Variants in NVL observed in about 807,000 individuals in gnomAD.
The protein encoded by NVL is nuclear VCP like.
NVL carries 84 observed loss-of-function variants against 110.2 expected under a neutral mutation model. That is an observed-to-expected ratio of 0.76 (90% CI 0.64 to 0.91). The LOEUF (loss-of-function observed/expected upper bound fraction) is 0.91, where lower values mean the gene tolerates loss of function less well. NVL is among the 40% of genes least tolerant of loss of function. The pLI is 0.00. For synonymous variants in NVL, 354 were observed against 361.1 expected (o/e 0.98, Z 0.22); for missense variants, 882 against 1,035.9 (o/e 0.85, Z 2.04).
In NVL at chr1:224,233,160, G is replaced by C. The variant is rs199820955; in HGVS notation, c.2455+41C>G. ...TTTTCCAGGGCAACAGTGGTTTTAA[G>C]TATCATAATTAGAATTGAGAGATTC... On this transcript the variant is annotated intron_variant, in intron 21 of 22. Coordinates refer to ENST00000281701, the MANE Select transcript of NVL (RefSeq NM_002533.4). The C allele has an allele frequency of 5.9e-4, 907 of 1,536,978 alleles. 1 individual carries two copies. The highest frequency in any genetic ancestry group is 7.8e-4 in the Non-Finnish European group (871 of 1,120,828).
intron 1 of NVL, among the ~76,000 whole-genome samples, chr1:224,327,164 C>T (rs1270783468): frequency 2.0e-5 from 3 of 150,914 alleles, no homozygotes; most frequent in South Asian, 2.1e-4. Context: ...TAAATAAGCC[C>T]GGGCGTGGTG....
chr1:224,325,448 A>G (rs965322501), intron 2 of NVL, among the ~76,000 whole-genome samples: 4 of 151,520 alleles, frequency 2.6e-5, no homozygotes, highest in African/African-American at 9.7e-5. Flanking sequence ...AAAAAAAAAA[A>G]AGAGGCTGGG....
chr1:224,308,880 T>C (rs1243097744), intron 5 of NVL, among the ~76,000 whole-genome samples: 2 of 151,492 alleles, frequency 1.3e-5, no homozygotes, highest in African/African-American at 4.9e-5. Flanking sequence ...GCTAACACGG[T>C]GAAACCCTGT....
At position 224,320,625 on chromosome 1, in the gene NVL, T is replaced by G. The variant is rs1392142504; in HGVS notation, c.132-2695A>C. 2.0e-5 allele frequency among the ~76,000 whole-genome samples: 3 copies of G among 151,418 alleles called. No individual in the cohort carries two copies. The East Asian group carries it at 5.8e-4, about 29-fold the overall frequency. On this transcript the variant is annotated intron_variant, in intron 2 of 22. Coordinates refer to ENST00000281701, the MANE Select transcript of NVL (RefSeq NM_002533.4). ...TCACACCACCACACTCCAGCCTGGG[T>G]GACTGAGTGAGACTCCATCTCAAAA...
At chr1:224,243,941 G>A (rs61826433) in intron 19 of NVL, among the ~76,000 whole-genome samples, 7 of 151,710 alleles carry the variant, frequency 4.6e-5, no homozygotes, top group South Asian at 2.1e-4. Context: ...TTACAGGCGT[G>A]AGCCACCACA....
Position 224,300,549 on chromosome 1 carries a change from T to C in NVL, c.1062+13A>G. The C allele has an allele frequency of 1.9e-6, 3 of 1,595,114 alleles. No homozygotes were observed. Among genetic ancestry groups the C allele is most frequent in the Non-Finnish European group, 2.6e-6 (3 of 1,163,422 alleles). On this transcript the variant is annotated intron_variant, in intron 10 of 22. Coordinates refer to ENST00000281701, the MANE Select transcript of NVL (RefSeq NM_002533.4). The stretch of plus-strand genomic sequence containing the variant: ...GCGTCTGACCACCTGGCATTAGTCA[T>C]TAACTGACTCACCACAGCTTGCTCA...
At chr1:224,316,299 G>C (rs1231520438) in intron 4 of NVL, among the ~76,000 whole-genome samples, 4 of 152,178 alleles carry the variant, frequency 2.6e-5, no homozygotes, top group Non-Finnish European at 5.9e-5. Flanking sequence ...ATCATGCTAA[G>C]TGAAAGAATG....
intron 19 of NVL, among the ~76,000 whole-genome samples, chr1:224,244,838 C>T (rs1315632235): frequency 4.6e-5 from 7 of 152,030 alleles, no homozygotes; most frequent in African/African-American, 1.4e-4. Flanking sequence ...CAGGCACGCA[C>T]CACCACGCCC....
intron 10 of NVL, among the ~76,000 whole-genome samples, chr1:224,300,189 T>C (rs1454823300): frequency 6.6e-6 from 1 of 152,210 alleles, no homozygotes; most frequent in Non-Finnish European, 1.5e-5. Flanking sequence ...GCTTTTATAA[T>C]AGCCTAAATA....
At chr1:224,285,502 A>C (rs1254253048) in intron 15 of NVL, among the ~76,000 whole-genome samples, 1 of 152,288 alleles carries the variant, frequency 6.6e-6, no homozygotes, top group East Asian at 1.9e-4. Context: ...TAAAAGTTAG[A>C]TATTACTTTG....
At position 224,287,920 on chromosome 1, in the gene NVL, C is replaced by T. The variant is rs769336839; in HGVS notation, c.1649G>A (p.Cys550Tyr). ...AACAATGAAATCATTCAGTTCAATGCACAGTCCTTGCATCTGCTCCTCTGA... is the reference window on the plus strand; with the variant it reads ...AACAATGAAATCATTCAGTTCAATGTACAGTCCTTGCATCTGCTCCTCTGA... ...PLSEEQMQGL[C>Y]IELNDFIVAL... is the part of the protein sequence containing the mutation. Residue 550 changes from cysteine to tyrosine, a missense_variant, in exon 14 of 23, where the codon TGC becomes TAC. By Grantham distance (194) the Cys-to-Tyr change is radical. This residue lies in a region of NVL where 416 missense variants were observed against 499.3 expected (regional missense o/e 0.83). Transcript: ENST00000281701. 14 of 1,614,066 alleles carry T rather than the reference C, an allele frequency of 8.7e-6. No homozygotes were observed. The East Asian group carries it at 3.1e-4, about 36-fold the overall frequency.
intron 18 of NVL, among the ~76,000 whole-genome samples, chr1:224,259,163 A>T (rs1663648270): frequency 6.6e-6 from 1 of 151,584 alleles, no homozygotes; most frequent in East Asian, 1.9e-4. Flanking sequence ...ATCTCGGCTC[A>T]CTGCAACCTC....
At chr1:224,312,989 C>G (rs1461261752) in intron 4 of NVL, 1 of 228,188 alleles carries the variant, frequency 4.4e-6, no homozygotes, top group Non-Finnish European at 9.5e-6. Flanking sequence ...GAGACTCTGT[C>G]TCTACAAAAA....
intron 9 of NVL, chr1:224,302,809 G>C (rs538938393): frequency 4.9e-4 from 90 of 184,948 alleles, no homozygotes; most frequent in African/African-American, 2.1e-3. Flanking sequence ...CAGCACTTTG[G>C]AAGACTGAGA....
intron 22 of NVL, among the ~76,000 whole-genome samples, chr1:224,228,466 G>A (rs1181912416): frequency 3.3e-5 from 5 of 151,626 alleles, no homozygotes; most frequent in South Asian, 2.1e-4. Context: ...CACTACGCCC[G>A]GCAAATTTTT....
At chr1:224,237,961 CAAAAAAA>C (rs200152434) in intron 19 of NVL, among the ~76,000 whole-genome samples, 24 of 135,730 alleles carry the variant, frequency 1.8e-4, no homozygotes, top group Admixed American at 1.1e-3. Context: ...GACTTGGTTT[CAAAAAAA>C]AAAAAAAAAA....
At chr1:224,259,198 C>T (rs1663657942) in intron 18 of NVL, among the ~76,000 whole-genome samples, 2 of 151,598 alleles carry the variant, frequency 1.3e-5, no homozygotes, top group South Asian at 4.2e-4. Context: ...AAGCGATTCT[C>T]CTGCCTCAGC....
At chr1:224,306,612 A>C (rs1046673160) in intron 6 of NVL, among the ~76,000 whole-genome samples, 2 of 152,166 alleles carry the variant, frequency 1.3e-5, no homozygotes, top group African/African-American at 4.8e-5. Flanking sequence ...TGGGTGGATC[A>C]CTTGAGCTCA....
intron 1 of NVL, among the ~76,000 whole-genome samples, chr1:224,327,929 G>A (rs1394652733): frequency 6.6e-6 from 1 of 151,944 alleles, no homozygotes; most frequent in East Asian, 1.9e-4. Context: ...GAGAAGGTCT[G>A]TGTGGCTGGG....
Sources: allele counts gnomAD v4.1 joint callset (sites outside exome capture counted in the v4.1 genomes callset), GRCh38; gene constraint gnomAD v4.1.1; regional missense constraint gnomAD v4.1.1; transcripts MANE v1.5; gene names NCBI Gene and HGNC (gene_info 2026-07-23, HGNC 2026-07-21).